The following TMEM131L variants were observed in gnomAD, a reference collection of about 807,000 sequenced individuals.
TMEM131L encodes the protein transmembrane protein 131-like.
TMEM131L carries 54 observed loss-of-function variants against 192.2 expected under a neutral mutation model. The observed-to-expected ratio is 0.28, with a 90% CI of 0.23 to 0.35. TMEM131L has a LOEUF of 0.35. Ranked by LOEUF, TMEM131L falls within the 10% of genes least tolerant of loss-of-function variation. The pLI is 1.00. For synonymous variants in TMEM131L, 701 were observed against 704.9 expected (o/e 0.99, Z 0.09); for missense variants, 1,888 against 1,972.9 (o/e 0.96, Z 0.82).
intron 4 of TMEM131L, among the ~76,000 whole-genome samples, chr4:153,551,974 C>T (rs1216735863): frequency 6.6e-6 from 1 of 151,624 alleles, no homozygotes; most frequent in Non-Finnish European, 1.5e-5. Context: ...TCTGGGAGCC[C>T]GGGCTGGGCG....
Position 153,588,995 on chromosome 4 carries a change from G to T in TMEM131L, c.1658G>T (p.Gly553Val). ...GAAAGATGGAAGAAATATAAAAATGGTGACGTCTGCAAGTACGTCTCCACT... is the reference window on the plus strand; with the variant it reads ...GAAAGATGGAAGAAATATAAAAATGTTGACGTCTGCAAGTACGTCTCCACT... Reference protein sequence around the residue: ...LYERWKKYKNGDVCKRNVLGT... With the variant: ...LYERWKKYKNVDVCKRNVLGT... The change falls in exon 16 of 35, where the codon GGT becomes GTT. Residue 553 changes from glycine (G) to valine (V), a missense_variant. Coordinates refer to ENST00000409959, the MANE Select transcript of TMEM131L (RefSeq NM_001131007.2). 1 of 1,559,246 alleles carries T rather than the reference G, an allele frequency of 6.4e-7. No homozygotes were observed. Among genetic ancestry groups the T allele is most frequent in the South Asian group, 1.1e-5 (1 of 89,934 alleles).
intron 3 of TMEM131L, among the ~76,000 whole-genome samples, chr4:153,504,868 A>C (rs1291594486): frequency 5.3e-5 from 8 of 152,164 alleles, no homozygotes; most frequent in Admixed American, 3.3e-4. Flanking sequence ...GGATGCATTC[A>C]CTTGAATCTC....
intron 4 of TMEM131L, 74 bp downstream of exon 4, chr4:153,550,215 T>C: frequency 3.4e-6 from 2 of 594,654 alleles, no homozygotes; most frequent in Non-Finnish European, 5.7e-6. Context: ...TTTACATATA[T>C]GTACAATGTT....
At chr4:153,586,694 A>C (rs1300511327) in intron 14 of TMEM131L, among the ~76,000 whole-genome samples, 1 of 152,198 alleles carries the variant, frequency 6.6e-6, no homozygotes, top group Non-Finnish European at 1.5e-5. Flanking sequence ...GCTATAGAAA[A>C]CACAGGTTGG....
At chr4:153,571,034 T>A (rs1015200598) in intron 7 of TMEM131L, among the ~76,000 whole-genome samples, 1 of 152,222 alleles carries the variant, frequency 6.6e-6, no homozygotes, top group East Asian at 1.9e-4. Context: ...AATTTTTTTT[T>A]AACTTTTTGG....
At chr4:153,636,166 C>A in intron 34 of TMEM131L, 135 bp from the exon 35 acceptor site, 1 of 890,646 alleles carries the variant, frequency 1.1e-6, no homozygotes, top group Non-Finnish European at 1.7e-6. Context: ...TTAAAGCAAC[C>A]CAGATTTAAA....
intron 22 of TMEM131L, 82 bp downstream of exon 22, chr4:153,602,420 C>T (rs1731905914): frequency 6.5e-7 from 1 of 1,528,218 alleles, no homozygotes; most frequent in Non-Finnish European, 9.0e-7. Flanking sequence ...ATTGTTAAGA[C>T]ATCTTATGTT....
chr4:153,550,999 T>C (rs1039953302), intron 4 of TMEM131L, among the ~76,000 whole-genome samples: 55 of 152,212 alleles, frequency 3.6e-4, no homozygotes, highest in African/African-American at 1.3e-3. Flanking sequence ...AGGGTGACGC[T>C]GTGGAGATGA....
At position 153,603,358 on chromosome 4, in the gene TMEM131L, A is replaced by G. The variant is rs1240174563; in HGVS notation, c.2695A>G (p.Met899Val). Residue 899 changes from methionine to valine, a missense_variant, in exon 24 of 35, where the codon ATG (methionine) becomes GTG (valine). By Grantham distance (21) the Met-to-Val change is conservative. Coordinates refer to ENST00000409959, the MANE Select transcript of TMEM131L (RefSeq NM_001131007.2). ...CTTCCAACAAGCACAGTACATTCTCATGGAATTCATGAAAACAAGACAGAG... is the reference window on the plus strand; with the variant it reads ...CTTCCAACAAGCACAGTACATTCTCGTGGAATTCATGAAAACAAGACAGAG... ...IAFQQAQYILMEFMKTRQRQN... is the reference protein window; with the variant it reads ...IAFQQAQYILVEFMKTRQRQN... 1.4e-5 allele frequency: 22 copies of G among 1,613,242 alleles called. No homozygotes were observed. In the South Asian group the frequency reaches 2.1e-4, roughly 15 times the overall value.
chr4:153,594,897 CA>C (rs1731322801), intron 19 of TMEM131L, among the ~76,000 whole-genome samples: 1 of 152,032 alleles, frequency 6.6e-6, no homozygotes, highest in Non-Finnish European at 1.5e-5. Context: ...ATAATTAGTC[CA>C]AAATACTAAG....
chr4:153,534,490 G>A (rs1736157678), intron 3 of TMEM131L, among the ~76,000 whole-genome samples: 1 of 152,136 alleles, frequency 6.6e-6, no homozygotes, highest in African/African-American at 2.4e-5. Context: ...CTGGAGTACA[G>A]TGGCGCAATC....
chr4:153,535,800 C>T (rs1736273444), intron 3 of TMEM131L, among the ~76,000 whole-genome samples: 2 of 152,116 alleles, frequency 1.3e-5, no homozygotes, highest in African/African-American at 2.4e-5. Flanking sequence ...CTCATCCTAA[C>T]GTTGCTGTTA....
intron 3 of TMEM131L, among the ~76,000 whole-genome samples, chr4:153,538,984 G>T (rs910938385): frequency 1.3e-5 from 2 of 152,198 alleles, no homozygotes; most frequent in Non-Finnish European, 2.9e-5. Flanking sequence ...ATGCAGAGAA[G>T]CCTTGGAAAT....
chr4:153,580,548 G>A (rs1478903535), intron 7 of TMEM131L, among the ~76,000 whole-genome samples: 1 of 152,172 alleles, frequency 6.6e-6, no homozygotes, highest in African/African-American at 2.4e-5. Flanking sequence ...ATATTCACCT[G>A]CTTATAGGTG....
intron 25 of TMEM131L, 66 bp from the exon 26 acceptor site, chr4:153,612,186 G>A: frequency 8.2e-7 from 1 of 1,216,296 alleles, no homozygotes; most frequent in South Asian, 1.7e-5. Flanking sequence ...TTTGGTGTAG[G>A]AAAGAAGATG....
chr4:153,486,532 G>C (rs1026867149), intron 3 of TMEM131L, among the ~76,000 whole-genome samples: 1 of 152,216 alleles, frequency 6.6e-6, no homozygotes, highest in African/African-American at 2.4e-5. Context: ...TTACTCAGCA[G>C]GTTAGTGTCA....
intron 3 of TMEM131L, among the ~76,000 whole-genome samples, chr4:153,514,230 G>A (rs760862965): frequency 6.6e-6 from 1 of 152,178 alleles, no homozygotes; most frequent in Non-Finnish European, 1.5e-5. Flanking sequence ...TTGTTGAGAA[G>A]GCTTAGTGGT....
chr4:153,482,294 G>A (rs1732002024), intron 3 of TMEM131L, among the ~76,000 whole-genome samples: 1 of 151,454 alleles, frequency 6.6e-6, no homozygotes, highest in Non-Finnish European at 1.5e-5. Flanking sequence ...ATTCAACCAT[G>A]GTCTGTGCAG....
chr4:153,580,693 A>G, intron 7 of TMEM131L, 133 bp from the exon 8 acceptor site: 3 of 598,914 alleles, frequency 5.0e-6, no homozygotes, highest in Admixed American at 2.9e-5. Flanking sequence ...AATGCCCAGC[A>G]TTTAGCAGAT....
Sources: gnomAD v4.1 joint callset for allele counts (sites outside exome capture counted in the v4.1 genomes callset) on GRCh38, gnomAD v4.1.1 for gene constraint, MANE v1.5 for transcripts, NCBI Gene and HGNC (gene_info 2026-07-23, HGNC 2026-07-21) for gene names.